ZNF892: variants seen among roughly 807,000 people sequenced by gnomAD.
ZNF892 encodes zinc finger protein 570-like.
At chr2:95,251,344 T>A in the ZNF892 span, among the ~76,000 whole-genome samples, 1 of 152,350 alleles carries the variant, frequency 6.6e-6, no homozygotes, top group Middle Eastern at 3.4e-3. Context: ...CAATAAGACA[T>A]TTGTTGAGGA....
the ZNF892 span, among the ~76,000 whole-genome samples, chr2:95,218,288 C>G: frequency 1.3e-5 from 2 of 152,140 alleles, no homozygotes; most frequent in Admixed American, 6.5e-5. Flanking sequence ...CTTAATGTCT[C>G]TCCTCTCACA....
At chr2:95,215,752 A>G in the ZNF892 span, 1 of 396,740 alleles carries the variant, frequency 2.5e-6, no homozygotes, top group African/African-American at 2.1e-5. Flanking sequence ...TTAGACTGTG[A>G]AAGTATAGTT....
chr2:95,258,612 C>G, the ZNF892 span, among the ~76,000 whole-genome samples: 3 of 152,084 alleles, frequency 2.0e-5, no homozygotes. Context: ...GGACAAAGAA[C>G]GAGGGAGTTG....
the ZNF892 span, among the ~76,000 whole-genome samples, chr2:95,256,172 G>A: frequency 6.6e-6 from 1 of 152,124 alleles, no homozygotes; most frequent in Non-Finnish European, 1.5e-5. Flanking sequence ...AGCCTTGATG[G>A]TCTTTACAAT....
chr2:95,245,337 G>A, the ZNF892 span, among the ~76,000 whole-genome samples: 8 of 137,830 alleles, frequency 5.8e-5, no homozygotes, highest in African/African-American at 5.5e-5. Context: ...TGCAAGCTCC[G>A]CCTCACGGGT....
At chr2:95,241,303 G>C in the ZNF892 span, among the ~76,000 whole-genome samples, 3 of 152,192 alleles carry the variant, frequency 2.0e-5, no homozygotes, top group African/African-American at 7.2e-5. Context: ...TGCCATCTTT[G>C]CTGTTTCATA....
chr2:95,219,385 A>G, the ZNF892 span, among the ~76,000 whole-genome samples: 2 of 151,784 alleles, frequency 1.3e-5, no homozygotes, highest in South Asian at 4.2e-4. Flanking sequence ...ACCATCCTTG[A>G]GTTTTATTTC....
chr2:95,226,914 G>T, the ZNF892 span, among the ~76,000 whole-genome samples: 1 of 152,164 alleles, frequency 6.6e-6, no homozygotes, highest in Non-Finnish European at 1.5e-5. Flanking sequence ...GGCTTAAGTG[G>T]CTCTTGAGTC....
At chr2:95,208,717 T>G in the ZNF892 span, 2 of 398,580 alleles carry the variant, frequency 5.0e-6, no homozygotes, top group African/African-American at 4.1e-5. Flanking sequence ...ACTGCTGTGC[T>G]GCTGACCCCT....
the ZNF892 span, among the ~76,000 whole-genome samples, chr2:95,247,144 T>C: frequency 1.3e-5 from 2 of 152,148 alleles, no homozygotes; most frequent in Admixed American, 6.5e-5. Context: ...AGTATGATAC[T>C]GGTACAAAAA....
At chr2:95,220,781 T>A in the ZNF892 span, among the ~76,000 whole-genome samples, 1 of 152,216 alleles carries the variant, frequency 6.6e-6, no homozygotes, top group Non-Finnish European at 1.5e-5. Context: ...GGAACAATAG[T>A]TTATAAATTG....
At chr2:95,207,694 G>T in the ZNF892 span, 1 of 397,310 alleles carries the variant, frequency 2.5e-6, no homozygotes, top group African/African-American at 2.1e-5. Flanking sequence ...GAGGACCCCC[G>T]GGTGGGGGCG....
chr2:95,231,289 A>C, the ZNF892 span, among the ~76,000 whole-genome samples: 5 of 152,252 alleles, frequency 3.3e-5, no homozygotes, highest in African/African-American at 1.2e-4. Flanking sequence ...GAAAGAAGTC[A>C]GAACACTACA....
chr2:95,261,710 T>C, the ZNF892 span, among the ~76,000 whole-genome samples: 1 of 152,344 alleles, frequency 6.6e-6, no homozygotes, highest in South Asian at 2.1e-4. Flanking sequence ...TCTACTGTGC[T>C]GAGGTCTTCG....
At chr2:95,208,595 C>G in the ZNF892 span, 4 of 398,318 alleles carry the variant, frequency 1.0e-5, no homozygotes, top group African/African-American at 8.2e-5. Context: ...GCACTTCCTG[C>G]TAGTTTATTG....
At chr2:95,234,478 C>T in the ZNF892 span, among the ~76,000 whole-genome samples, 4 of 152,172 alleles carry the variant, frequency 2.6e-5, no homozygotes, top group Admixed American at 6.5e-5. Flanking sequence ...AGACTCTGGA[C>T]GGACGGGCCT....
At chr2:95,239,289 G>T in the ZNF892 span, among the ~76,000 whole-genome samples, 1 of 152,222 alleles carries the variant, frequency 6.6e-6, no homozygotes, top group Non-Finnish European at 1.5e-5. Flanking sequence ...TACTCCTGGT[G>T]AAGATGCTGT....
At chr2:95,226,464 C>T in the ZNF892 span, among the ~76,000 whole-genome samples, 1 of 152,146 alleles carries the variant, frequency 6.6e-6, no homozygotes, top group Non-Finnish European at 1.5e-5. Context: ...TTATTTTTCT[C>T]TCATCTCTTT....
chr2:95,249,629 T>C, the ZNF892 span, among the ~76,000 whole-genome samples: 2 of 152,082 alleles, frequency 1.3e-5, no homozygotes, highest in Non-Finnish European at 2.9e-5. Flanking sequence ...ATCTCAATAT[T>C]AACATCCTGT....
Sources: gnomAD v4.1 joint callset for allele counts (sites outside exome capture counted in the v4.1 genomes callset) on GRCh38, gnomAD v4.1.1 for gene constraint, MANE v1.5 for transcripts, NCBI Gene and HGNC (gene_info 2026-07-23, HGNC 2026-07-21) for gene names.